Variants in SEMA3E observed in about 807,000 individuals in gnomAD.
The protein encoded by SEMA3E is semaphorin 3E.
In SEMA3E, 49 loss-of-function variants were observed where a neutral mutation model predicts 93.6. The ratio of observed to expected loss-of-function variants is 0.52; its 90% CI spans 0.42 to 0.66. The LOEUF (loss-of-function observed/expected upper bound fraction) is 0.66, where lower values mean the gene tolerates loss of function less well. Ranked by LOEUF, SEMA3E falls within the 30% of genes least tolerant of loss-of-function variation. The pLI is 0.00. For missense variants in SEMA3E, 906 were observed against 964.8 expected (o/e 0.94, Z 0.81); for synonymous variants, 363 against 330.7 (o/e 1.10, Z -1.06).
intron 4 of SEMA3E, among the ~76,000 whole-genome samples, chr7:83,465,091 G>T (rs1230385731): frequency 2.6e-5 from 4 of 151,916 alleles, no homozygotes; most frequent in Non-Finnish European, 1.5e-5. Flanking sequence ...GTAAATGGCT[G>T]GTCTTTGCCT....
chr7:83,548,209 T>C (rs1791688666), intron 1 of SEMA3E, among the ~76,000 whole-genome samples: 1 of 152,206 alleles, frequency 6.6e-6, no homozygotes, highest in Admixed American at 6.6e-5. Context: ...TGAGATGAAC[T>C]TGATCACTTC....
chr7:83,543,152 A>T (rs1791573890), intron 1 of SEMA3E, among the ~76,000 whole-genome samples: 1 of 152,018 alleles, frequency 6.6e-6, no homozygotes, highest in African/African-American at 2.4e-5. Context: ...ATTATTATTG[A>T]TAGTCTTGCA....
chr7:83,490,295 T>A, intron 1 of SEMA3E, 21 bp from the exon 2 acceptor site: 1 of 1,608,954 alleles, frequency 6.2e-7, no homozygotes, highest in Non-Finnish European at 8.5e-7. Flanking sequence ...AAGTGATACA[T>A]ACACTAAGCA....
Position 83,366,004 on chromosome 7 carries a change from T to C in SEMA3E, c.*1582A>G, listed in dbSNP as rs1475820018. On this transcript the variant is annotated 3_prime_UTR_variant, in exon 17 of 17. Transcript: ENST00000643230. ...ATTTTCAGAGGATGTCAATTTTCAG[T>C]ATATTTGCATTTCTTAGATCTTTTG... is the stretch of plus-strand genomic sequence containing the variant. 1 of 152,172 alleles carries C rather than the reference T, an allele frequency of 6.6e-6. No homozygotes were observed. The highest frequency in any genetic ancestry group is 1.5e-5 in the Non-Finnish European group (1 of 67,988). The allele number at this position is 152,172 out of a possible 1,614,324, so 9.4% of individuals were successfully genotyped here.
intron 2 of SEMA3E, among the ~76,000 whole-genome samples, chr7:83,486,423 A>T (rs917337248): frequency 3.0e-4 from 46 of 151,930 alleles, no homozygotes; most frequent in African/African-American, 9.9e-4. Context: ...GGAGAGATTT[A>T]AAAAAAATGT....
rs1485509651 is a variant in SEMA3E, at chr7:83,400,134, T to C, written c.1260A>G (p.Lys420=). ...CATCTGTTTTTACCAATATTGGTTT[T>C]TTATGGGCAGGTTTTATGGCCTGGT... The part of the protein sequence containing the change: ...LMYQAIKPAH[K]KPILVKTDGK... The change falls in exon 11 of 17, where the codon AAA becomes AAG. Residue 420 remains lysine (K), a synonymous_variant. Coordinates refer to ENST00000643230, the MANE Select transcript of SEMA3E (RefSeq NM_012431.3). 1.2e-6 allele frequency: 2 copies of C among 1,614,026 alleles called. No homozygotes were observed. The highest frequency in any genetic ancestry group is 3.3e-5 in the Admixed American group (2 of 59,992).
chr7:83,627,578 G>C (rs1420629504), intron 1 of SEMA3E, among the ~76,000 whole-genome samples: 1 of 129,394 alleles, frequency 7.7e-6, no homozygotes, highest in Non-Finnish European at 1.6e-5. Context: ...TCTTTTTTCT[G>C]TTTGTTGGTT....
chr7:83,412,900 C>T (rs1019713400), intron 5 of SEMA3E, among the ~76,000 whole-genome samples: 7 of 151,798 alleles, frequency 4.6e-5, no homozygotes, highest in Admixed American at 1.3e-4. Context: ...GAGGGCCTTA[C>T]GTTATTAATT....
intron 1 of SEMA3E, among the ~76,000 whole-genome samples, chr7:83,630,390 T>G (rs1793762468): frequency 1.3e-5 from 2 of 152,244 alleles, no homozygotes; most frequent in Non-Finnish European, 2.9e-5. Context: ...AGTTTGGCCC[T>G]ATCACTTTAA....
In SEMA3E at chr7:83,408,375, C is replaced by T; in HGVS notation, c.663G>A (p.Leu221=). ...HIRTEHDDER[L]LKEPKFVGSY... ...TCTTTTCCTCATCCTTACCTTTCAA[C>T]AGACGCTCATCGTCATGCTCAGTGC... The change falls in exon 6 of 17, where the codon CTG becomes CTA. Residue 221 remains leucine, a synonymous_variant. Coordinates refer to ENST00000643230, the MANE Select transcript of SEMA3E (RefSeq NM_012431.3). The T allele has an allele frequency of 6.2e-7, 1 of 1,613,760 alleles. No homozygotes were observed. The highest frequency in any genetic ancestry group is 8.5e-7 in the Non-Finnish European group (1 of 1,179,816).
intron 1 of SEMA3E, among the ~76,000 whole-genome samples, chr7:83,525,985 T>C (rs188181094): frequency 2.0e-5 from 3 of 151,952 alleles, no homozygotes; most frequent in African/African-American, 7.2e-5. Flanking sequence ...CCAGCATCAA[T>C]ATATTTCTTT....
chr7:83,394,630 A>G (rs1251389016), intron 12 of SEMA3E, among the ~76,000 whole-genome samples: 1 of 152,188 alleles, frequency 6.6e-6, no homozygotes, highest in Admixed American at 6.6e-5. Flanking sequence ...TGCGCTTTGG[A>G]AACTCAAGTA....
chr7:83,550,521 C>T (rs1791744594), intron 1 of SEMA3E, among the ~76,000 whole-genome samples: 2 of 151,962 alleles, frequency 1.3e-5, no homozygotes, highest in African/African-American at 4.8e-5. Flanking sequence ...ATATCTTTTT[C>T]AAAAGGTAAA....
chr7:83,480,177 A>C (rs896000042), intron 2 of SEMA3E, among the ~76,000 whole-genome samples: 7 of 152,194 alleles, frequency 4.6e-5, no homozygotes, highest in Admixed American at 3.3e-4. Flanking sequence ...ACAGTGGCTC[A>C]CGCCTGTAAT....
intron 2 of SEMA3E, among the ~76,000 whole-genome samples, chr7:83,488,303 C>T (rs952017271): frequency 1.5e-4 from 23 of 151,830 alleles, no homozygotes; most frequent in African/African-American, 5.6e-4. Flanking sequence ...CCATGGGGTC[C>T]CTGGTAGAAA....
At chr7:83,511,178 C>G (rs1790809928) in intron 1 of SEMA3E, among the ~76,000 whole-genome samples, 1 of 151,966 alleles carries the variant, frequency 6.6e-6, no homozygotes, top group South Asian at 2.1e-4. Context: ...ATCTAAAAGA[C>G]TTCCAGCCAT....
At chr7:83,510,773 A>G (rs2115646208) in intron 1 of SEMA3E, among the ~76,000 whole-genome samples, 1 of 152,304 alleles carries the variant, frequency 6.6e-6, no homozygotes, top group South Asian at 2.1e-4. Flanking sequence ...CTACAAAGCA[A>G]ATGTGGTTTC....
At chr7:83,406,893 G>A (rs1028792547) in intron 7 of SEMA3E, among the ~76,000 whole-genome samples, 140 of 152,154 alleles carry the variant, frequency 9.2e-4, no homozygotes, top group Non-Finnish European at 5.0e-4. Flanking sequence ...CTTCAAAAAT[G>A]GGGAAAATCA....
In SEMA3E at chr7:83,493,758, C is replaced by T. The variant is rs971848994; in HGVS notation, c.116-3484G>A. On this transcript the variant is annotated intron_variant, in intron 1 of 16. Coordinates refer to ENST00000643230, the MANE Select transcript of SEMA3E (RefSeq NM_012431.3). The stretch of plus-strand genomic sequence containing the variant: ...TAGCACTAACTAGAGTTTATGAATG[C>T]CATGGTTTATATTTTTCATGTCTAC... Among the ~76,000 whole-genome samples, 3 of 151,866 alleles carry T rather than the reference C, an allele frequency of 2.0e-5. No individual in the cohort carries two copies. The East Asian group carries it at 5.8e-4, about 29-fold the overall frequency.
Sources: allele counts gnomAD v4.1 joint callset (sites outside exome capture counted in the v4.1 genomes callset), GRCh38; gene constraint gnomAD v4.1.1; transcripts MANE v1.5; gene names NCBI Gene and HGNC (gene_info 2026-07-23, HGNC 2026-07-21).